The following DEUP1 variants were observed in gnomAD, a reference collection of about 807,000 sequenced individuals.
DEUP1 encodes the protein coiled-coil domain containing 67.
DEUP1 carries 82 observed loss-of-function variants against 87.4 expected under a neutral mutation model. The ratio of observed to expected loss-of-function variants is 0.94; its 90% CI spans 0.78 to 1.13. DEUP1 has a LOEUF of 1.13. Among genes scored for constraint, DEUP1 ranks in the 50% most tolerant of loss-of-function variants. The probability of loss-of-function intolerance (pLI) is 0.00; values close to 1 mark genes in which losing one functional copy is unlikely to be tolerated. For synonymous variants in DEUP1, 214 were observed against 222.7 expected (o/e 0.96, Z 0.35); for missense variants, 663 against 681.5 (o/e 0.97, Z 0.30).
Position 93,375,686 on chromosome 11 carries a change from T to G in DEUP1, c.789+4406T>G, listed in dbSNP as rs111308556. 3.3e-3 allele frequency among the ~76,000 whole-genome samples: 503 copies of G among 152,302 alleles called. 2 individuals carry two copies. The highest frequency in any genetic ancestry group is 0.012 in the African/African-American group (480 of 41,578). On this transcript the variant is annotated intron_variant, in intron 7 of 13. Coordinates refer to ENST00000298050, the MANE Select transcript of DEUP1 (RefSeq NM_181645.4). ...TGATATGCTGTTGGATTCAGTTAGC[T>G]AGTATTTTGTCCAGGGTTTTTGCAT... is the stretch of plus-strand genomic sequence containing the variant.
Position 93,358,929 on chromosome 11 carries a change from G to A in DEUP1, c.297+1886G>A, listed in dbSNP as rs553854022. On this transcript the variant is annotated intron_variant, in intron 4 of 13. Coordinates refer to ENST00000298050, the MANE Select transcript of DEUP1 (RefSeq NM_181645.4). ...AACATTCTGATACCACTGTAAACAGGGGTTTCGTGGAATACACTGGGAATG... is the reference window on the plus strand; with the variant it reads ...AACATTCTGATACCACTGTAAACAGAGGTTTCGTGGAATACACTGGGAATG... 3.3e-5 allele frequency among the ~76,000 whole-genome samples: 5 copies of A among 152,160 alleles called. No homozygotes were observed. The East Asian group carries it at 9.7e-4, about 29-fold the overall frequency.
intron 7 of DEUP1, among the ~76,000 whole-genome samples, chr11:93,377,057 A>C (rs1198389468): frequency 6.6e-6 from 1 of 152,142 alleles, no homozygotes; most frequent in Non-Finnish European, 1.5e-5. Context: ...TTTCTTGTAG[A>C]ATGTTCCATG....
At chr11:93,415,770 G>C (rs1565346185) in intron 13 of DEUP1, among the ~76,000 whole-genome samples, 1 of 151,710 alleles carries the variant, frequency 6.6e-6, no homozygotes, top group Non-Finnish European at 1.5e-5. Context: ...TCTCAACCTT[G>C]TTTTTTAGAT....
At position 93,332,217 on chromosome 11, in the gene DEUP1, T is replaced by A. The variant is rs555554093; in HGVS notation, c.-43T>A. Reference sequence around the variant, plus strand: ...CTTGTATCATTTTCCTCCTAACAGATTAAAAATCAAGAAATATAAACCAGA... The same window carrying A: ...CTTGTATCATTTTCCTCCTAACAGAATAAAAATCAAGAAATATAAACCAGA... On this transcript the variant is annotated splice_region_variant and 5_prime_UTR_variant, in exon 2 of 14. Coordinates refer to ENST00000298050, the MANE Select transcript of DEUP1 (RefSeq NM_181645.4). The A allele has an allele frequency of 1.3e-6, 2 of 1,569,250 alleles. No homozygotes were observed. Among genetic ancestry groups the A allele is most frequent in the East Asian group, 4.5e-5 (2 of 44,180 alleles).
chr11:93,374,168 C>G (rs1048517488), intron 7 of DEUP1, among the ~76,000 whole-genome samples: 1 of 152,018 alleles, frequency 6.6e-6, no homozygotes, highest in African/African-American at 2.4e-5. Context: ...ATCTCCTTAT[C>G]AATCCTGGAT....
chr11:93,373,580 T>C (rs996598727), intron 7 of DEUP1, among the ~76,000 whole-genome samples: 15 of 145,188 alleles, frequency 1.0e-4, no homozygotes, highest in African/African-American at 2.8e-4. Flanking sequence ...CATATATATA[T>C]ACATATATAT....
At chr11:93,364,883 G>A in intron 5 of DEUP1, among the ~76,000 whole-genome samples, 1 of 151,994 alleles carries the variant, frequency 6.6e-6, no homozygotes, top group Admixed American at 6.6e-5. Flanking sequence ...TGTCGTTGAT[G>A]CACTTATTCT....
chr11:93,432,469 A>G (rs536883065), intron 13 of DEUP1, among the ~76,000 whole-genome samples: 32 of 152,342 alleles, frequency 2.1e-4, no homozygotes, highest in African/African-American at 7.5e-4. Context: ...CACTGACCAC[A>G]TGATATTTAT....
intron 2 of DEUP1, among the ~76,000 whole-genome samples, chr11:93,348,019 C>T (rs1944444746): frequency 6.6e-6 from 1 of 152,190 alleles, no homozygotes; most frequent in African/African-American, 2.4e-5. Context: ...GGATTACAGG[C>T]ATGAGCCACC....
At chr11:93,368,274 C>G (rs1945521838) in intron 5 of DEUP1, among the ~76,000 whole-genome samples, 1 of 152,202 alleles carries the variant, frequency 6.6e-6, no homozygotes, top group South Asian at 2.1e-4. Flanking sequence ...AACTAAATAC[C>G]ATAGACTGGG....
At chr11:93,416,075 T>C (rs1282744857) in intron 13 of DEUP1, among the ~76,000 whole-genome samples, 1 of 152,150 alleles carries the variant, frequency 6.6e-6, no homozygotes, top group East Asian at 1.9e-4. Flanking sequence ...ACCGCCAAAC[T>C]ATTTTCCTGT....
intron 6 of DEUP1, among the ~76,000 whole-genome samples, 175 bp downstream of exon 6, chr11:93,370,361 C>T (rs1424771711): frequency 2.0e-5 from 3 of 152,176 alleles, no homozygotes. Context: ...TGAGTTTAGT[C>T]TACATGTCTC....
chr11:93,373,624 C>CATATATAT (rs1945865108), intron 7 of DEUP1, among the ~76,000 whole-genome samples: 2 of 78,868 alleles, frequency 2.5e-5, no homozygotes, highest in South Asian at 6.9e-4. Flanking sequence ...TATATATATA[C>CATATATAT]GTATATATAT....
At chr11:93,347,078 T>G (rs939491915) in intron 2 of DEUP1, among the ~76,000 whole-genome samples, 1 of 152,078 alleles carries the variant, frequency 6.6e-6, no homozygotes, top group Non-Finnish European at 1.5e-5. Flanking sequence ...TCCAATACTA[T>G]GTTGAATAGG....
intron 12 of DEUP1, among the ~76,000 whole-genome samples, chr11:93,409,768 A>G (rs1400919270): frequency 2.6e-5 from 4 of 152,224 alleles, no homozygotes; most frequent in African/African-American, 9.6e-5. Context: ...AACAAGGTTA[A>G]TAATTGTAAG....
At chr11:93,405,684 CTTAT>C (rs1373198812) in intron 11 of DEUP1, among the ~76,000 whole-genome samples, 9 of 152,032 alleles carry the variant, frequency 5.9e-5, no homozygotes, top group African/African-American at 1.9e-4. Flanking sequence ...TATTTCTGCA[CTTAT>C]TTATTACTAT....
At chr11:93,374,396 A>G (rs1353911053) in intron 7 of DEUP1, among the ~76,000 whole-genome samples, 1 of 152,164 alleles carries the variant, frequency 6.6e-6, no homozygotes, top group East Asian at 1.9e-4. Context: ...ATCTTCTAGA[A>G]TCTTTATGGT....
At chr11:93,341,572 G>A (rs571269662) in intron 2 of DEUP1, among the ~76,000 whole-genome samples, 5 of 152,220 alleles carry the variant, frequency 3.3e-5, no homozygotes, top group African/African-American at 9.6e-5. Context: ...AATATCTTGG[G>A]TCTTGGAGGG....
At chr11:93,354,061 T>A (rs1048789679) in intron 2 of DEUP1, among the ~76,000 whole-genome samples, 4 of 152,254 alleles carry the variant, frequency 2.6e-5, no homozygotes, top group African/African-American at 9.6e-5. Flanking sequence ...TCTGAACTTT[T>A]ATGCTCTGTT....
Sources: gnomAD v4.1 joint callset for allele counts (sites outside exome capture counted in the v4.1 genomes callset) on GRCh38, gnomAD v4.1.1 for gene constraint, MANE v1.5 for transcripts, NCBI Gene and HGNC (gene_info 2026-07-23, HGNC 2026-07-21) for gene names.